The following DNAJA4 variants were observed in gnomAD, a reference collection of about 807,000 sequenced individuals.
The protein encoded by DNAJA4 is dnaJ homolog subfamily A member 4.
In DNAJA4, 32 loss-of-function variants were observed where a neutral mutation model predicts 39.7. The observed-to-expected ratio is 0.81, with a 90% CI of 0.61 to 1.08. DNAJA4 has a LOEUF of 1.08. Ranked by LOEUF, DNAJA4 falls within the 50% of genes least tolerant of loss-of-function variation. The pLI is 0.00. For missense variants in DNAJA4, 439 were observed against 505.1 expected (o/e 0.87, Z 1.25); for synonymous variants, 184 against 182.4 (o/e 1.01, Z -0.07).
intron 1 of DNAJA4, 60 bp from the exon 2 acceptor site, chr15:78,270,437 G>A: frequency 6.4e-7 from 1 of 1,555,424 alleles, no homozygotes; most frequent in Non-Finnish European, 8.7e-7. Flanking sequence ...TATATGGCAG[G>A]TTTGCTTAAC....
At position 78,264,907 on chromosome 15, in the gene DNAJA4, C is replaced by A. The variant is rs564977604; in HGVS notation, c.132+12C>A. 2.4e-5 allele frequency: 38 copies of A among 1,580,472 alleles called. 2 individuals are homozygous for A. In the African/African-American group the frequency reaches 4.5e-4, roughly 19 times the overall value. On this transcript the variant is annotated intron_variant, in intron 1 of 6. Coordinates refer to ENST00000394852, the MANE Select transcript of DNAJA4 (RefSeq NM_001130182.2). ...ATGAGGGCGAGAAGGTGCGGGGCGG[C>A]GCGGGGCACGGGCCGGGCTCCCGAG...
intron 4 of DNAJA4, 60 bp from the exon 5 acceptor site, chr15:78,275,438 C>T (rs1281922315): frequency 6.4e-6 from 9 of 1,405,578 alleles, no homozygotes; most frequent in Non-Finnish European, 9.0e-6. Flanking sequence ...TCTTCAAAAG[C>T]TTTAAGGAAG....
chr15:78,272,984 C>CCA lies in DNAJA4; in HGVS notation c.314-108_314-107dup. 7.1e-6 allele frequency: 5 copies of CCA among 707,524 alleles called. No homozygotes were observed. The South Asian group carries it at 8.9e-5, about 13-fold the overall frequency. 43.8% of individuals were successfully genotyped at this position (707,524 alleles called of 1,614,324 possible). On this transcript the variant is annotated intron_variant, in intron 2 of 6. Transcript: ENST00000394852. ...GCAGGGAAGGGAGCGCATGACCCAG[C>CCA]CACAGTCTTGAGTCTCTGGAGACTT...
chr15:78,269,766 T>C (rs943749300), intron 1 of DNAJA4, among the ~76,000 whole-genome samples: 11 of 152,190 alleles, frequency 7.2e-5, no homozygotes, highest in African/African-American at 2.7e-4. Flanking sequence ...TTCGTTTTTT[T>C]CTATCTTTTA....
chr15:78,265,805 A>G (rs938038156), intron 1 of DNAJA4: 1 of 624,848 alleles, frequency 1.6e-6, no homozygotes, highest in Non-Finnish European at 2.9e-6. Context: ...TGGGGCCGTT[A>G]TAGTAGCTGA....
intron 1 of DNAJA4, 69 bp from the exon 2 acceptor site, chr15:78,270,428 A>G: frequency 6.6e-7 from 1 of 1,508,840 alleles, no homozygotes; most frequent in Non-Finnish European, 9.0e-7. Flanking sequence ...TTGTATGTTT[A>G]TATGGCAGGT....
intron 1 of DNAJA4, among the ~76,000 whole-genome samples, chr15:78,267,189 T>TGTGTATGTGA (rs1567115140): frequency 6.6e-6 from 1 of 151,118 alleles, no homozygotes; most frequent in Non-Finnish European, 1.5e-5. Flanking sequence ...TGAGTGTGTG[T>TGTGTATGTGA]GTGAGTGTGT....
intron 2 of DNAJA4, 79 bp from the exon 3 acceptor site, chr15:78,273,016 A>C: frequency 1.2e-6 from 1 of 855,220 alleles, no homozygotes; most frequent in East Asian, 2.4e-5. Context: ...ACTTCATACA[A>C]CTAAGGGTCA....
intron 1 of DNAJA4, among the ~76,000 whole-genome samples, chr15:78,266,582 A>G (rs143367048): frequency 6.6e-6 from 1 of 152,148 alleles, no homozygotes; most frequent in Admixed American, 6.5e-5. Context: ...TCCTTCCTCT[A>G]CCTTCATGGA....
intron 1 of DNAJA4, among the ~76,000 whole-genome samples, chr15:78,266,611 G>A (rs2049129902): frequency 6.6e-6 from 1 of 152,196 alleles, no homozygotes; most frequent in Non-Finnish European, 1.5e-5. Context: ...AAACTCTTTA[G>A]TTCTCAGCTA....
At chr15:78,264,398 G>C, upstream of DNAJA4, 8 of 1,397,902 alleles carry the variant, frequency 5.7e-6, no homozygotes, top group Non-Finnish European at 7.4e-6. Context: ...GCCCAGGTGA[G>C]CGGCTGGGCC....
upstream of DNAJA4, chr15:78,264,366 CA>C: frequency 6.9e-7 from 1 of 1,448,590 alleles, no homozygotes; most frequent in Non-Finnish European, 9.0e-7. Flanking sequence ...GACGGGCAGC[CA>C]AAGGAGCAGA....
chr15:78,274,537 G>C (rs1301662087), intron 4 of DNAJA4, 113 bp downstream of exon 4: 1 of 899,892 alleles, frequency 1.1e-6, no homozygotes, highest in Non-Finnish European at 1.7e-6. Flanking sequence ...AACATGTATT[G>C]GGTGTGCCAT....
intron 5 of DNAJA4, among the ~76,000 whole-genome samples, chr15:78,276,724 T>C (rs1481719697): frequency 1.3e-5 from 2 of 152,234 alleles, no homozygotes; most frequent in Non-Finnish European, 2.9e-5. Context: ...ATTACCTTTT[T>C]CTATGGCCAT....
intron 5 of DNAJA4, chr15:78,277,945 T>C (rs1488386801): frequency 2.4e-6 from 1 of 413,152 alleles, no homozygotes; most frequent in Non-Finnish European, 4.7e-6. Context: ...TTTTACTTTG[T>C]TCTCTTTTGC....
intron 5 of DNAJA4, among the ~76,000 whole-genome samples, chr15:78,277,607 C>T (rs1404432280): frequency 2.6e-5 from 4 of 152,156 alleles, no homozygotes; most frequent in African/African-American, 9.7e-5. Flanking sequence ...TACGTGGTCA[C>T]AGCCCAGATC....
At chr15:78,267,692 A>G (rs1329051020) in intron 1 of DNAJA4, among the ~76,000 whole-genome samples, 1 of 152,238 alleles carries the variant, frequency 6.6e-6, no homozygotes, top group East Asian at 1.9e-4. Flanking sequence ...TTTAGAACAC[A>G]GAGGGAAACC....
intron 2 of DNAJA4, among the ~76,000 whole-genome samples, chr15:78,271,922 T>C (rs1170923078): frequency 2.0e-5 from 3 of 152,196 alleles, no homozygotes; most frequent in Admixed American, 6.5e-5. Context: ...GCTGCACTTG[T>C]TATCACATTG....
intron 2 of DNAJA4, among the ~76,000 whole-genome samples, chr15:78,271,445 T>C (rs2049294170): frequency 6.6e-6 from 1 of 152,212 alleles, no homozygotes; most frequent in Non-Finnish European, 1.5e-5. Context: ...AGGTGGGTAC[T>C]CTTGCCATGT....
Sources: gnomAD v4.1 joint callset for allele counts (sites outside exome capture counted in the v4.1 genomes callset) on GRCh38, gnomAD v4.1.1 for gene constraint, MANE v1.5 for transcripts, NCBI Gene and HGNC (gene_info 2026-07-23, HGNC 2026-07-21) for gene names.